The following SMARCA2 variants were observed in gnomAD, a reference collection of about 807,000 sequenced individuals.
SMARCA2 encodes the protein SWI/SNF related BAF chromatin remodeling complex subunit ATPase 2, also known as SWI/SNF-related matrix-associated actin-dependent regulator of chromatin subfamily A member 2.
Under a neutral mutation model 199.8 loss-of-function variants are expected in SMARCA2, and 61 were observed. The ratio of observed to expected loss-of-function variants is 0.31; its 90% CI spans 0.25 to 0.38. The LOEUF is 0.38. Ranked by LOEUF, SMARCA2 falls within the 10% of genes least tolerant of loss-of-function variation. SMARCA2 has a pLI of 1.00. For missense variants in SMARCA2, 1,344 were observed against 2,012.2 expected, an observed-to-expected ratio of 0.67 and a Z score of 6.35; for synonymous variants, 935 against 732.0, an observed-to-expected ratio of 1.28 and a Z score of -4.48.
intron 32 of SMARCA2, 54 bp from the exon 33 acceptor site, chr9:2,191,212 A>G (rs1335049865): frequency 1.3e-6 from 2 of 1,574,040 alleles, no homozygotes; most frequent in Admixed American, 3.4e-5. Context: ...CCACCTATAC[A>G]AAGATCTCCT....
chr9:2,190,482 TG>T (rs1365074126), intron 32 of SMARCA2, among the ~76,000 whole-genome samples: 2 of 152,242 alleles, frequency 1.3e-5, no homozygotes, highest in Admixed American at 1.3e-4. Context: ...ATCCCACATA[TG>T]TGAGTAAACA....
intron 2 of SMARCA2, among the ~76,000 whole-genome samples, chr9:2,032,168 C>G (rs1217398167): frequency 6.6e-6 from 1 of 152,164 alleles, no homozygotes; most frequent in African/African-American, 2.4e-5. Context: ...GGAAATATTT[C>G]TTTCAGGCTG....
chr9:2,106,382 G>A (rs1586711496), intron 23 of SMARCA2, among the ~76,000 whole-genome samples: 5 of 152,300 alleles, frequency 3.3e-5, no homozygotes, highest in Non-Finnish European at 1.5e-5. Context: ...GATACAGGAT[G>A]GATGAACTAT....
chr9:2,073,223 G>A lies in SMARCA2; in HGVS notation c.1758G>A (p.Glu586=). Residue 586 remains glutamate, a synonymous_variant, in exon 11 of 34, where the codon GAG becomes GAA. Coordinates refer to ENST00000349721, the MANE Select transcript of SMARCA2 (RefSeq NM_003070.5). ...ALGPDGEPID[E]SSQMSDLPVK... is the part of the protein sequence containing the mutation. ...TCCCTCCTTTGTAGCCCATAGATGA[G>A]AGCAGCCAGATGAGTGACCTCCCTG... The A allele has an allele frequency of 6.2e-7, 1 of 1,614,162 alleles. No homozygotes were observed. Among genetic ancestry groups the A allele is most frequent in the Non-Finnish European group, 8.5e-7 (1 of 1,180,034 alleles).
At chr9:2,050,576 C>G (rs1029328848) in intron 5 of SMARCA2, among the ~76,000 whole-genome samples, 2 of 151,646 alleles carry the variant, frequency 1.3e-5, no homozygotes, top group East Asian at 3.9e-4. Flanking sequence ...ATGAAAAGAG[C>G]GGTATATCCT....
chr9:2,125,580 A>G (rs1462321880), intron 27 of SMARCA2, among the ~76,000 whole-genome samples: 1 of 147,906 alleles, frequency 6.8e-6, no homozygotes, highest in Non-Finnish European at 1.5e-5. Context: ...ACCTCTGCCT[A>G]CCGGGTTCAA....
chr9:2,146,057 G>A (rs1188084658), intron 27 of SMARCA2, among the ~76,000 whole-genome samples: 1 of 152,208 alleles, frequency 6.6e-6, no homozygotes, highest in East Asian at 1.9e-4. Flanking sequence ...GTCTTAGTCT[G>A]GGATGCTATA....
In SMARCA2 at chr9:2,170,169, G is replaced by A. The variant is rs1157952839; in HGVS notation, c.4200-250G>A. Among the ~76,000 whole-genome samples the A allele has an allele frequency of 6.6e-6, 1 of 152,150 alleles. No individual in the cohort carries two copies. Among genetic ancestry groups the A allele is most frequent in the African/African-American group, 2.4e-5 (1 of 41,422 alleles). ...ACATGTAAGAGGGAACAGGGTAACA[G>A]GAATTTCTGTGTGTGACGGAAGTAG... On this transcript the variant is annotated intron_variant, in intron 28 of 33. Coordinates refer to ENST00000349721, the MANE Select transcript of SMARCA2 (RefSeq NM_003070.5). The surrounding 1 kb of genome is among the most constrained non-coding windows in gnomAD (Gnocchi z 4.7).
At chr9:2,168,825 A>G (rs538936315) in intron 28 of SMARCA2, among the ~76,000 whole-genome samples, 1 of 152,250 alleles carries the variant, frequency 6.6e-6, no homozygotes, top group South Asian at 2.1e-4. Flanking sequence ...AATGATTTGA[A>G]ATTATTCTGC....
intron 9 of SMARCA2, among the ~76,000 whole-genome samples, chr9:2,064,490 G>A (rs1820741797): frequency 6.6e-6 from 1 of 152,192 alleles, no homozygotes; most frequent in South Asian, 2.1e-4. Context: ...TACGAAAGTG[G>A]AATCATAATT....
chr9:2,109,635 G>C (rs991852972), intron 23 of SMARCA2, among the ~76,000 whole-genome samples: 11 of 152,064 alleles, frequency 7.2e-5, no homozygotes, highest in East Asian at 3.9e-4. Flanking sequence ...TTTCTTGTGG[G>C]GGGGGTGGGG....
chr9:2,120,168 C>T (rs1823394601), intron 26 of SMARCA2, among the ~76,000 whole-genome samples: 1 of 152,204 alleles, frequency 6.6e-6, no homozygotes, highest in Non-Finnish European at 1.5e-5. Flanking sequence ...GATTTCCCTC[C>T]AGTATCTTCA....
intron 4 of SMARCA2, chr9:2,040,286 A>G: frequency 2.8e-6 from 1 of 360,822 alleles, no homozygotes. Context: ...GAGCCATTTT[A>G]TAATTTGTTG....
chr9:2,177,695 G>A (rs939041005), intron 29 of SMARCA2, among the ~76,000 whole-genome samples: 3 of 151,846 alleles, frequency 2.0e-5, no homozygotes, highest in Non-Finnish European at 4.4e-5. Context: ...CGGGATTACA[G>A]GCATGCGCCA....
intron 12 of SMARCA2, 133 bp from the exon 13 acceptor site, chr9:2,076,096 C>T: frequency 1.6e-6 from 1 of 626,376 alleles, no homozygotes; most frequent in Non-Finnish European, 2.9e-6. Flanking sequence ...GTTACATTTA[C>T]TTCCTCCCTG....
At chr9:2,067,057 T>A (rs1820874417) in intron 9 of SMARCA2, among the ~76,000 whole-genome samples, 1 of 152,190 alleles carries the variant, frequency 6.6e-6, no homozygotes, top group African/African-American at 2.4e-5. Context: ...GGAGTTGATA[T>A]CTCTTGTCAT....
At chr9:2,156,526 G>T (rs903903429) in intron 27 of SMARCA2, among the ~76,000 whole-genome samples, 4 of 145,332 alleles carry the variant, frequency 2.8e-5, no homozygotes, top group African/African-American at 1.0e-4. Flanking sequence ...GCCTCCCGAG[G>T]TTCAAGCAAT....
At chr9:2,090,856 AT>A (rs916090853) in intron 19 of SMARCA2, among the ~76,000 whole-genome samples, 223 of 142,932 alleles carry the variant, frequency 1.6e-3, no homozygotes, top group Non-Finnish European at 1.4e-3. Context: ...CCTTGTTAGG[AT>A]TTTTTTTTTT....
chr9:2,097,057 A>C, intron 20 of SMARCA2: 1 of 492,400 alleles, frequency 2.0e-6, no homozygotes, highest in Non-Finnish European at 3.6e-6. Context: ...AAGGTTTTAA[A>C]ATCCAGTTTC....
Sources: gnomAD v4.1 joint callset for allele counts (sites outside exome capture counted in the v4.1 genomes callset) on GRCh38, gnomAD v4.1.1 for gene constraint, Gnocchi (gnomAD v3.1) non-coding constraint, MANE v1.5 for transcripts, NCBI Gene and HGNC (gene_info 2026-07-23, HGNC 2026-07-21) for gene names.